Variants in TANC2 observed in about 807,000 individuals in gnomAD.
TANC2 encodes the protein protein TANC2.
A neutral mutation model predicts 210.5 loss-of-function variants in TANC2; 26 were observed. The observed-to-expected ratio is 0.12, with a 90% CI of 0.09 to 0.17. The LOEUF is 0.17. Among genes scored for constraint, TANC2 ranks in the 10% least tolerant of loss-of-function variants. The pLI is 1.00. For missense variants in TANC2, 2,129 were observed against 2,608.9 expected (o/e 0.82, Z 4.01); for synonymous variants, 931 against 967.1 (o/e 0.96, Z 0.69).
intron 8 of TANC2, among the ~76,000 whole-genome samples, chr17:63,262,031 T>G (rs1598730516): frequency 6.6e-6 from 1 of 152,304 alleles, no homozygotes; most frequent in South Asian, 2.1e-4. Context: ...ATTGGAAACT[T>G]AATTTACATC....
intron 4 of TANC2, among the ~76,000 whole-genome samples, chr17:63,127,951 A>G (rs2038772370): frequency 6.6e-6 from 1 of 152,166 alleles, no homozygotes; most frequent in African/African-American, 2.4e-5. Context: ...CCAGTAGGCT[A>G]CCTTCTAATG....
intron 2 of TANC2, among the ~76,000 whole-genome samples, chr17:63,020,180 G>C (rs1435711177): frequency 6.6e-6 from 1 of 152,206 alleles, no homozygotes; most frequent in East Asian, 1.9e-4. Context: ...CGCCTGCCTT[G>C]GCCTCCCAAA....
At chr17:63,404,337 G>A (rs567384405) in intron 19 of TANC2, among the ~76,000 whole-genome samples, 7 of 152,266 alleles carry the variant, frequency 4.6e-5, no homozygotes, top group East Asian at 3.9e-4. Flanking sequence ...CAAAATAGGC[G>A]TTCGTAAAAT....
At chr17:62,988,151 A>AT (rs900281468) in intron 1 of TANC2, among the ~76,000 whole-genome samples, 2 of 152,034 alleles carry the variant, frequency 1.3e-5, no homozygotes, top group Admixed American at 6.6e-5. Flanking sequence ...ATTTTGAGAC[A>AT]TAGTCTTGCT....
chr17:63,192,770 T>G (rs181061361), intron 5 of TANC2, among the ~76,000 whole-genome samples: 1 of 152,370 alleles, frequency 6.6e-6, no homozygotes, highest in Admixed American at 6.5e-5. Context: ...ATATGTAAAG[T>G]GTTTACACTA....
At chr17:62,982,879 T>C (rs2032373721) in intron 1 of TANC2, among the ~76,000 whole-genome samples, 1 of 152,220 alleles carries the variant, frequency 6.6e-6, no homozygotes. Context: ...GTAGTATCTT[T>C]TGAAGTCTGG....
intron 4 of TANC2, among the ~76,000 whole-genome samples, chr17:63,104,528 G>T (rs994744798): frequency 1.3e-5 from 2 of 152,152 alleles, no homozygotes; most frequent in East Asian, 3.8e-4. Flanking sequence ...ATTACTAGGA[G>T]TTTGTTTTAC....
At chr17:62,993,090 A>AT (rs2032947379) in intron 1 of TANC2, among the ~76,000 whole-genome samples, 1 of 151,854 alleles carries the variant, frequency 6.6e-6, no homozygotes, top group African/African-American at 2.4e-5. Flanking sequence ...TCCCTTTTCC[A>AT]TTTTTTAATG....
chr17:63,231,675 T>C (rs1261015172), intron 7 of TANC2, among the ~76,000 whole-genome samples: 1 of 152,220 alleles, frequency 6.6e-6, no homozygotes, highest in Non-Finnish European at 1.5e-5. Context: ...GGCCTTTCTC[T>C]CTGGCTGCCC....
intron 5 of TANC2, among the ~76,000 whole-genome samples, chr17:63,192,310 A>G (rs1458573136): frequency 6.6e-6 from 1 of 152,254 alleles, no homozygotes; most frequent in East Asian, 1.9e-4. Flanking sequence ...AGTATCTAAT[A>G]TAGCCACTCA....
At chr17:63,422,517 TA>T (rs1327658531) in exon 28 of TANC2, 2 of 153,030 alleles carry the variant, frequency 1.3e-5, no homozygotes, top group African/African-American at 4.8e-5. Flanking sequence ...CTGGTCTTCC[TA>T]GGGGGTAAAA....
At chr17:63,372,264 T>C (rs976010883) in intron 14 of TANC2, among the ~76,000 whole-genome samples, 1 of 152,218 alleles carries the variant, frequency 6.6e-6, no homozygotes, top group African/African-American at 2.4e-5. Flanking sequence ...TGCCTGAAGT[T>C]ACAATTCCAA....
In TANC2 at chr17:63,043,535, A is replaced by T. The variant is rs141649940; in HGVS notation, c.68-30408A>T. 5.3e-5 allele frequency among the ~76,000 whole-genome samples: 8 copies of T among 152,252 alleles called. No homozygotes were observed. The East Asian group carries it at 9.6e-4, about 18-fold the overall frequency. ...GAAGTTAAGTGACTTGACCAAAGTCATATAGTAAATGGTGGAGTCGGGACT... is the reference window on the plus strand; with the variant it reads ...GAAGTTAAGTGACTTGACCAAAGTCTTATAGTAAATGGTGGAGTCGGGACT... On this transcript the variant is annotated intron_variant, in intron 2 of 27. Transcript: ENST00000689528.
intron 9 of TANC2, among the ~76,000 whole-genome samples, chr17:63,277,392 A>G (rs1292509180): frequency 1.3e-5 from 2 of 151,422 alleles, no homozygotes; most frequent in Non-Finnish European, 2.9e-5. Context: ...TCACCCCGGT[A>G]TTAAGCCGAA....
At position 63,420,183 on chromosome 17, in the gene TANC2, C is replaced by G. The variant is rs2048980386; in HGVS notation, c.4453C>G (p.His1485Asp). 6.3e-7 allele frequency: 1 copy of G among 1,585,604 alleles called. No homozygotes were observed. Among genetic ancestry groups the G allele is most frequent in the Admixed American group, 1.8e-5 (1 of 55,166 alleles). ...GGAAGAAGCAGAACCTGAGCCACAG[C>G]ATGAAGACATATACTCTGTACAGGA... The change falls in exon 28 of 28, where the codon CAT becomes GAT. Residue 1485 changes from histidine (H) to aspartate (D), a missense_variant. His to Asp is a moderately conservative substitution (Grantham distance 81). Transcript: ENST00000689528. This position sits in a 1 kb window ranked among gnomAD's most constrained non-coding sequence, Gnocchi z 4.2.
At chr17:63,128,684 G>A (rs928504089) in intron 4 of TANC2, among the ~76,000 whole-genome samples, 2 of 152,068 alleles carry the variant, frequency 1.3e-5, no homozygotes, top group East Asian at 3.9e-4. Context: ...AGTCCCTGTC[G>A]GTGTAGGATA....
intron 8 of TANC2, among the ~76,000 whole-genome samples, chr17:63,249,132 A>C (rs2042990919): frequency 1.3e-5 from 2 of 152,140 alleles, no homozygotes. Context: ...AAACATGAAA[A>C]CTTTTAACTC....
intron 8 of TANC2, among the ~76,000 whole-genome samples, chr17:63,264,821 T>A (rs1231079972): frequency 2.6e-5 from 4 of 151,994 alleles, no homozygotes; most frequent in African/African-American, 9.7e-5. Context: ...TAGCTGAGCG[T>A]GGTGATGCAT....
At chr17:63,279,108 CT>C (rs1257270045) in intron 9 of TANC2, among the ~76,000 whole-genome samples, 1 of 152,120 alleles carries the variant, frequency 6.6e-6, no homozygotes, top group Non-Finnish European at 1.5e-5. Context: ...GCCTCTCCCC[CT>C]ATGGAAGAAC....
Sources: gnomAD v4.1 joint callset for allele counts (sites outside exome capture counted in the v4.1 genomes callset) on GRCh38, gnomAD v4.1.1 for gene constraint, Gnocchi (gnomAD v3.1) non-coding constraint, MANE v1.5 for transcripts, NCBI Gene and HGNC (gene_info 2026-07-23, HGNC 2026-07-21) for gene names.